Variants in SNTG1 observed in about 807,000 individuals in gnomAD.
SNTG1 encodes the protein syntrophin gamma 1, also known as gamma-1-syntrophin.
Under a neutral mutation model 74.7 loss-of-function variants are expected in SNTG1, and 39 were observed. The ratio of observed to expected loss-of-function variants is 0.52; its 90% CI spans 0.40 to 0.68. The LOEUF is 0.68. Among genes scored for constraint, SNTG1 ranks in the 30% least tolerant of loss-of-function variants. The pLI is 0.00. For missense variants in SNTG1, 685 were observed against 609.5 expected, an observed-to-expected ratio of 1.12 and a Z score of -1.30; for synonymous variants, 254 against 217.1, an observed-to-expected ratio of 1.17 and a Z score of -1.49.
rs543274404 is a variant in SNTG1, at chr8:50,469,901, C to T, written c.363+19172C>T. Among the ~76,000 whole-genome samples, 4 of 152,252 alleles carry T rather than the reference C, an allele frequency of 2.6e-5. No individual in the cohort carries two copies. The East Asian group carries it at 7.8e-4, about 30-fold the overall frequency. The stretch of plus-strand genomic sequence containing the variant: ...GGCTGAGGCAGGAAAATTGCTTGAA[C>T]TGGGAGGCAGAGGTTGCAATGAGCC... On this transcript the variant is annotated intron_variant, in intron 8 of 18. Transcript: ENST00000642720.
At position 50,148,947 on chromosome 8, in the gene SNTG1, A is replaced by T. The variant is rs561184723; in HGVS notation, c.-102-23614A>T. Among the ~76,000 whole-genome samples, 3 of 152,292 alleles carry T rather than the reference A, an allele frequency of 2.0e-5. No homozygotes were observed. In the South Asian group the frequency reaches 6.2e-4, roughly 32 times the overall value. ...GATGGCTGGGTGAAATGGTATTTCTAGTTCTAGATCCCTGAGGAATCGCCA... is the reference window on the plus strand; with the variant it reads ...GATGGCTGGGTGAAATGGTATTTCTTGTTCTAGATCCCTGAGGAATCGCCA... On this transcript the variant is annotated intron_variant, in intron 1 of 18. Coordinates refer to ENST00000642720, the MANE Select transcript of SNTG1 (RefSeq NM_018967.5).
intron 2 of SNTG1, among the ~76,000 whole-genome samples, chr8:50,215,018 T>C (rs2084710754): frequency 6.6e-6 from 1 of 152,118 alleles, no homozygotes. Context: ...CCTCTTCCAA[T>C]TCTGAGAATC....
At chr8:50,487,020 A>G (rs2093801678) in intron 8 of SNTG1, among the ~76,000 whole-genome samples, 1 of 152,198 alleles carries the variant, frequency 6.6e-6, no homozygotes. Context: ...CATGGTGGAT[A>G]AGCTTTTTGA....
At position 49,935,523 on chromosome 8, in the gene SNTG1, CA is replaced by C. The variant is rs59390567; in HGVS notation, c.-103+23308del. The stretch of plus-strand genomic sequence containing the variant: ...TTCATGTGAGGAAGGAGATGTAAAC[CA>C]AAAAAAAAAAAAAAAGAAAAAGAAA... On this transcript the variant is annotated intron_variant, in intron 1 of 18. Coordinates refer to ENST00000642720, the MANE Select transcript of SNTG1 (RefSeq NM_018967.5). 6.7e-3 allele frequency among the ~76,000 whole-genome samples: 509 copies of C among 75,610 alleles called. 1 individual carries two copies. The highest frequency in any genetic ancestry group is 6.4e-3 in the African/African-American group (146 of 22,832). The allele number at this position is 75,610 out of a possible 152,430, so 49.6% of individuals were successfully genotyped here. A position where few individuals can be genotyped will look rare whatever the true frequency, so the allele number is the denominator to read the frequency against.
chr8:50,742,400 T>G (rs368611560), intron 17 of SNTG1, among the ~76,000 whole-genome samples: 3 of 151,900 alleles, frequency 2.0e-5, no homozygotes, highest in South Asian at 2.1e-4. Context: ...GAAATGGAAA[T>G]CAACACACTC....
intron 4 of SNTG1, among the ~76,000 whole-genome samples, chr8:50,435,950 CG>C (rs2093297451): frequency 6.6e-6 from 1 of 152,036 alleles, no homozygotes; most frequent in African/African-American, 2.4e-5. Context: ...TTCAAAGAAA[CG>C]GTTTTTGAGG....
At chr8:50,159,247 T>C (rs752778756) in intron 1 of SNTG1, among the ~76,000 whole-genome samples, 11 of 152,184 alleles carry the variant, frequency 7.2e-5, no homozygotes, top group Non-Finnish European at 1.6e-4. Context: ...GTTCTATGAG[T>C]TTGTTACTAA....
At chr8:50,477,936 T>G (rs59645260) in intron 8 of SNTG1, among the ~76,000 whole-genome samples, 8,198 of 152,264 alleles carry the variant, frequency 0.054, 333 homozygotes, top group South Asian at 0.18. Flanking sequence ...TATCTTTTAT[T>G]CAAAGTGTTG....
intron 18 of SNTG1, among the ~76,000 whole-genome samples, chr8:50,784,247 G>A (rs1483045360): frequency 6.6e-6 from 1 of 152,122 alleles, no homozygotes; most frequent in Non-Finnish European, 1.5e-5. Flanking sequence ...CTTAGTGGGA[G>A]TAAAAGGGAC....
rs138601214 is a variant in SNTG1, at chr8:50,394,371, G to A, written c.27+106G>A. 7.8e-4 allele frequency: 900 copies of A among 1,147,348 alleles called. 12 individuals are homozygous for A. The East Asian group carries it at 0.019, about 24-fold the overall frequency. 71.1% of individuals were successfully genotyped at this position (1,147,348 alleles called of 1,614,324 possible). ...AATTCTGCTTTTGGCAGAAAATGGA[G>A]AGAGGAGGATGGGCTCTTTTTCCTT... On this transcript the variant is annotated intron_variant, in intron 3 of 18. Transcript: ENST00000642720.
At chr8:49,931,056 A>C (rs1262762945) in intron 1 of SNTG1, among the ~76,000 whole-genome samples, 2 of 152,080 alleles carry the variant, frequency 1.3e-5, no homozygotes, top group Admixed American at 6.5e-5. Context: ...GCAATTCCCC[A>C]AAGAGGAAAC....
At chr8:50,373,817 A>C (rs1042286662) in intron 2 of SNTG1, among the ~76,000 whole-genome samples, 17 of 151,762 alleles carry the variant, frequency 1.1e-4, no homozygotes, top group African/African-American at 3.7e-4. Context: ...GGGCTATGTT[A>C]AGGCTGACTC....
At chr8:50,261,984 G>A (rs2087216868) in intron 2 of SNTG1, among the ~76,000 whole-genome samples, 1 of 152,062 alleles carries the variant, frequency 6.6e-6, no homozygotes, top group Admixed American at 6.5e-5. Flanking sequence ...AGAGAATTTG[G>A]CAGGGGTCCC....
chr8:50,284,675 C>T (rs1354336404), intron 2 of SNTG1, among the ~76,000 whole-genome samples: 1 of 152,098 alleles, frequency 6.6e-6, no homozygotes, highest in Admixed American at 6.6e-5. Context: ...TGGGTATAAG[C>T]TTCTTGATCA....
intron 11 of SNTG1, among the ~76,000 whole-genome samples, chr8:50,551,183 T>C (rs2094423701): frequency 6.6e-6 from 1 of 152,146 alleles, no homozygotes; most frequent in African/African-American, 2.4e-5. Context: ...CTGTAATTTT[T>C]ATGATCAACT....
intron 1 of SNTG1, among the ~76,000 whole-genome samples, chr8:50,165,757 A>T (rs1053560911): frequency 2.6e-5 from 4 of 152,166 alleles, no homozygotes; most frequent in African/African-American, 9.7e-5. Flanking sequence ...ATATATGTTG[A>T]TACATACATT....
At chr8:50,643,633 CT>C (rs879744090) in intron 13 of SNTG1, among the ~76,000 whole-genome samples, 56 of 152,292 alleles carry the variant, frequency 3.7e-4, no homozygotes, top group African/African-American at 1.0e-3. Context: ...ACTTGAAGCA[CT>C]TTTTGAAATT....
chr8:50,071,956 A>C (rs1370370356), intron 1 of SNTG1, among the ~76,000 whole-genome samples: 8 of 152,342 alleles, frequency 5.3e-5, no homozygotes, highest in African/African-American at 1.4e-4. Flanking sequence ...TTTCCATTAA[A>C]GAATACTATT....
chr8:50,205,525 C>T (rs925918506), intron 2 of SNTG1, among the ~76,000 whole-genome samples: 1 of 152,102 alleles, frequency 6.6e-6, no homozygotes, highest in African/African-American at 2.4e-5. Flanking sequence ...TGTAGGGTGC[C>T]TGTTCACGCT....
Sources: allele counts gnomAD v4.1 joint callset (sites outside exome capture counted in the v4.1 genomes callset), GRCh38; gene constraint gnomAD v4.1.1; transcripts MANE v1.5; gene names NCBI Gene and HGNC (gene_info 2026-07-23, HGNC 2026-07-21).